DPP6: variants seen among roughly 807,000 people sequenced by gnomAD.
The protein encoded by DPP6 is A-type potassium channel modulatory protein DPP6.
DPP6 carries 69 observed loss-of-function variants against 122.6 expected under a neutral mutation model. That is an observed-to-expected ratio of 0.56 (90% CI 0.46 to 0.69). The LOEUF (loss-of-function observed/expected upper bound fraction) is 0.69, where lower values mean the gene tolerates loss of function less well. Among genes scored for constraint, DPP6 ranks in the 30% least tolerant of loss-of-function variants. DPP6 has a pLI of 0.00. For synonymous variants in DPP6, 418 were observed against 433.1 expected (o/e 0.97, Z 0.43); for missense variants, 928 against 1,116.9 (o/e 0.83, Z 2.41).
chr7:154,295,931 T>C (rs991707273), intron 1 of DPP6, among the ~76,000 whole-genome samples: 1 of 145,938 alleles, frequency 6.9e-6, no homozygotes, highest in Non-Finnish European at 1.5e-5. Context: ...TGTGTATGCA[T>C]AAACAGTTGC....
intron 5 of DPP6, among the ~76,000 whole-genome samples, chr7:154,629,367 C>T (rs1835275030): frequency 6.6e-6 from 1 of 151,920 alleles, no homozygotes; most frequent in South Asian, 2.1e-4. Flanking sequence ...TTTCCCTTCT[C>T]ACCCCTGACA....
chr7:153,857,118 A>G, the DPP6 span, among the ~76,000 whole-genome samples: 1 of 152,172 alleles, frequency 6.6e-6, no homozygotes, highest in Non-Finnish European at 1.5e-5. Flanking sequence ...TTTCTATGAC[A>G]AAGAAACCTT....
At chr7:154,374,504 G>A (rs868699386) in intron 1 of DPP6, among the ~76,000 whole-genome samples, 6 of 152,086 alleles carry the variant, frequency 3.9e-5, no homozygotes, top group Non-Finnish European at 7.3e-5. Context: ...GATGGCAACC[G>A]TGTTCACTCA....
At chr7:154,136,216 A>G (rs1236537628) in intron 1 of DPP6, among the ~76,000 whole-genome samples, 1 of 151,950 alleles carries the variant, frequency 6.6e-6, no homozygotes, top group Non-Finnish European at 1.5e-5. Flanking sequence ...ACATAGAAGG[A>G]TTGTTGTTTA....
At chr7:153,829,968 C>G in the DPP6 span, among the ~76,000 whole-genome samples, 1 of 152,134 alleles carries the variant, frequency 6.6e-6, no homozygotes, top group Non-Finnish European at 1.5e-5. Flanking sequence ...CAGGCAGCCA[C>G]GAGGAGGGAA....
intron 8 of DPP6, among the ~76,000 whole-genome samples, chr7:154,753,146 C>T (rs1466535841): frequency 6.6e-6 from 1 of 152,142 alleles, no homozygotes; most frequent in Non-Finnish European, 1.5e-5. Flanking sequence ...CCTGCCCAGG[C>T]TACAAAGTTG....
intron 5 of DPP6, among the ~76,000 whole-genome samples, chr7:154,620,262 A>G (rs1834552464): frequency 6.6e-6 from 1 of 152,234 alleles, no homozygotes; most frequent in Non-Finnish European, 1.5e-5. Flanking sequence ...TTAAATGTTC[A>G]GTAGAGGACC....
intron 10 of DPP6, among the ~76,000 whole-genome samples, chr7:154,785,217 G>A (rs1183159349): frequency 2.6e-5 from 4 of 151,954 alleles, no homozygotes; most frequent in African/African-American, 7.3e-5. Flanking sequence ...AAATAATATG[G>A]AAGAGTCTAT....
the DPP6 span, among the ~76,000 whole-genome samples, chr7:153,827,936 C>G: frequency 6.6e-6 from 1 of 152,176 alleles, no homozygotes; most frequent in Admixed American, 6.5e-5. Context: ...CTAGTAGAGT[C>G]GGGATGGTCA....
intron 8 of DPP6, among the ~76,000 whole-genome samples, chr7:154,738,693 G>A (rs1370833468): frequency 6.6e-6 from 1 of 152,204 alleles, no homozygotes; most frequent in Non-Finnish European, 1.5e-5. Context: ...AGCGGATAGA[G>A]CTTTGGAAAG....
At chr7:154,247,005 A>T (rs1193928871) in intron 1 of DPP6, among the ~76,000 whole-genome samples, 1 of 152,208 alleles carries the variant, frequency 6.6e-6, no homozygotes, top group Non-Finnish European at 1.5e-5. Flanking sequence ...GCTCATCAAA[A>T]GACATTGCTA....
At chr7:154,603,929 G>A (rs1833504886) in intron 5 of DPP6, among the ~76,000 whole-genome samples, 1 of 119,800 alleles carries the variant, frequency 8.3e-6, no homozygotes, top group Non-Finnish European at 1.9e-5. Flanking sequence ...ATAAAGTTCT[G>A]TTTCTTGATT....
At chr7:153,793,979 G>T in the DPP6 span, among the ~76,000 whole-genome samples, 2 of 152,254 alleles carry the variant, frequency 1.3e-5, no homozygotes, top group African/African-American at 4.8e-5. Flanking sequence ...CCTCCACCTA[G>T]ATTTCAGAAC....
chr7:154,129,373 G>A (rs1237883697), intron 1 of DPP6, among the ~76,000 whole-genome samples: 2 of 152,144 alleles, frequency 1.3e-5, no homozygotes, highest in Admixed American at 1.3e-4. Context: ...CTGTGGACCA[G>A]AGTTCATTTT....
the DPP6 span, among the ~76,000 whole-genome samples, chr7:153,787,837 CTTTT>C: frequency 7.2e-6 from 1 of 139,380 alleles, no homozygotes; most frequent in African/African-American, 2.6e-5. Context: ...TTTACAATTT[CTTTT>C]TTTTTTTTTT....
At chr7:154,331,091 T>G (rs1459325914) in intron 1 of DPP6, among the ~76,000 whole-genome samples, 2 of 152,236 alleles carry the variant, frequency 1.3e-5, no homozygotes, top group Non-Finnish European at 2.9e-5. Flanking sequence ...TTTTGTGCTC[T>G]GAGTGCCTGT....
intron 1 of DPP6, among the ~76,000 whole-genome samples, chr7:154,222,330 G>T (rs1370688319): frequency 6.6e-6 from 1 of 152,156 alleles, no homozygotes; most frequent in African/African-American, 2.4e-5. Flanking sequence ...TAACAGTTGA[G>T]GTGGGCATAA....
chr7:154,087,717 CT>C (rs2063699664), intron 1 of DPP6, among the ~76,000 whole-genome samples: 1 of 152,172 alleles, frequency 6.6e-6, no homozygotes, highest in South Asian at 2.1e-4. Context: ...ACATGGTTCT[CT>C]GAGGATTTGT....
chr7:154,613,171 A>G (rs1834016483), intron 5 of DPP6, among the ~76,000 whole-genome samples: 1 of 152,212 alleles, frequency 6.6e-6, no homozygotes, highest in South Asian at 2.1e-4. Flanking sequence ...ATCAGGGGGT[A>G]AGGTTTCAAC....
Sources: gnomAD v4.1 joint callset for allele counts (sites outside exome capture counted in the v4.1 genomes callset) on GRCh38, gnomAD v4.1.1 for gene constraint, MANE v1.5 for transcripts, NCBI Gene and HGNC (gene_info 2026-07-23, HGNC 2026-07-21) for gene names.